The following AGBL1 variants were observed in gnomAD, a reference collection of about 807,000 sequenced individuals.
AGBL1 encodes AGBL carboxypeptidase 1, also known as cytosolic carboxypeptidase 4.
In AGBL1, 130 loss-of-function variants were observed where a neutral mutation model predicts 118.9. That is an observed-to-expected ratio of 1.09 (90% CI 0.95 to 1.26). The LOEUF (loss-of-function observed/expected upper bound fraction) is 1.26, where lower values mean the gene tolerates loss of function less well. Ranked by LOEUF, AGBL1 falls within the 50% of genes most tolerant of loss-of-function variation. AGBL1 has a pLI of 0.00. For synonymous variants in AGBL1, 555 were observed against 478.9 expected, an observed-to-expected ratio of 1.16 and a Z score of -2.08; for missense variants, 1,584 against 1,298.1, an observed-to-expected ratio of 1.22 and a Z score of -3.38.
chr15:86,556,297 G>C, intron 21 of AGBL1: 1 of 1,607,288 alleles, frequency 6.2e-7, no homozygotes. Context: ...TATTGGAGCA[G>C]CATTTATCTT....
intron 18 of AGBL1, among the ~76,000 whole-genome samples, chr15:86,411,767 T>C (rs1476029998): frequency 6.6e-6 from 1 of 152,070 alleles, no homozygotes; most frequent in Non-Finnish European, 1.5e-5. Context: ...CTCTGCATAA[T>C]AACAAGGAAA....
chr15:86,119,380 C>G (rs750880852), intron 1 of AGBL1, among the ~76,000 whole-genome samples: 6 of 151,698 alleles, frequency 4.0e-5, no homozygotes, highest in Non-Finnish European at 7.4e-5. Flanking sequence ...TTCCTTCTTG[C>G]TACTGATGGG....
At chr15:86,752,545 T>C (rs1050810428) in intron 22 of AGBL1, among the ~76,000 whole-genome samples, 2 of 152,102 alleles carry the variant, frequency 1.3e-5, no homozygotes, top group African/African-American at 4.8e-5. Context: ...CCCAGATCCA[T>C]GCTTTAGGGA....
At chr15:86,757,854 C>G (rs970905033) in intron 22 of AGBL1, among the ~76,000 whole-genome samples, 1 of 152,042 alleles carries the variant, frequency 6.6e-6, no homozygotes, top group African/African-American at 2.4e-5. Context: ...CATAGTAGAA[C>G]AAGAAAACCC....
chr15:86,573,897 C>T (rs1314437838), intron 21 of AGBL1, among the ~76,000 whole-genome samples: 2 of 152,150 alleles, frequency 1.3e-5, no homozygotes, highest in Non-Finnish European at 2.9e-5. Context: ...TGGCTATCTA[C>T]CCCCAAGTAT....
chr15:86,685,126 A>G (rs1433612072), intron 22 of AGBL1, among the ~76,000 whole-genome samples: 3 of 152,304 alleles, frequency 2.0e-5, no homozygotes, highest in East Asian at 1.9e-4. Context: ...AGAATCCGAT[A>G]CAAGACGACC....
At chr15:86,929,257 C>G (rs2080579230) in intron 23 of AGBL1, among the ~76,000 whole-genome samples, 1 of 152,194 alleles carries the variant, frequency 6.6e-6, no homozygotes, top group African/African-American at 2.4e-5. Flanking sequence ...GACATCTGGT[C>G]TGGCTTTTTT....
chr15:86,540,303 G>C (rs1008736772), intron 19 of AGBL1, among the ~76,000 whole-genome samples: 1 of 152,084 alleles, frequency 6.6e-6, no homozygotes, highest in Non-Finnish European at 1.5e-5. Flanking sequence ...AACAAGATAG[G>C]GCTATTGAGG....
intron 18 of AGBL1, among the ~76,000 whole-genome samples, chr15:86,460,789 T>G (rs1161484909): frequency 6.6e-6 from 1 of 152,202 alleles, no homozygotes; most frequent in Non-Finnish European, 1.5e-5. Flanking sequence ...TTAGTGCTGG[T>G]TCTGTGCCAT....
chr15:86,676,758 G>A (rs1248649348), intron 22 of AGBL1, among the ~76,000 whole-genome samples: 1 of 152,138 alleles, frequency 6.6e-6, no homozygotes, highest in Admixed American at 6.5e-5. Flanking sequence ...GGAAGGAATT[G>A]TGAATAACAT....
At chr15:86,189,891 G>T (rs766280273) in intron 5 of AGBL1, among the ~76,000 whole-genome samples, 5 of 152,170 alleles carry the variant, frequency 3.3e-5, no homozygotes, top group Admixed American at 1.3e-4. Context: ...TTACCATGCT[G>T]GACTGACACC....
intron 1 of AGBL1, among the ~76,000 whole-genome samples, chr15:86,089,387 A>G (rs1895875964): frequency 6.6e-6 from 1 of 152,164 alleles, no homozygotes. Context: ...TCCTTACTTG[A>G]TTGGGATAAA....
At chr15:86,254,862 A>G (rs1189412539) in intron 7 of AGBL1, among the ~76,000 whole-genome samples, 1 of 152,214 alleles carries the variant, frequency 6.6e-6, no homozygotes, top group East Asian at 1.9e-4. Flanking sequence ...CCTTGAAACC[A>G]ATGATCTTTG....
intron 5 of AGBL1, among the ~76,000 whole-genome samples, chr15:86,181,353 A>T (rs917712812): frequency 2.6e-5 from 4 of 152,128 alleles, no homozygotes; most frequent in Non-Finnish European, 5.9e-5. Context: ...AATTATTGAT[A>T]TATGCTGCAA....
At chr15:87,018,498 G>A (rs1445944178) in intron 24 of AGBL1, among the ~76,000 whole-genome samples, 1 of 152,062 alleles carries the variant, frequency 6.6e-6, no homozygotes, top group Non-Finnish European at 1.5e-5. Context: ...AGAAATTTAT[G>A]TCTGGCCAAA....
chr15:86,375,429 A>AC (rs148784536), intron 17 of AGBL1, among the ~76,000 whole-genome samples: 6,714 of 151,028 alleles, frequency 0.044, 295 homozygotes, highest in East Asian at 0.21. Context: ...TGATCCAGTC[A>AC]CCCCCCCACC....
intron 1 of AGBL1, among the ~76,000 whole-genome samples, chr15:86,138,889 T>C (rs1244679494): frequency 6.6e-6 from 1 of 152,160 alleles, no homozygotes; most frequent in Non-Finnish European, 1.5e-5. Flanking sequence ...GGAAACTAAT[T>C]CCAGAGACTT....
chr15:86,279,457 CAGTA>C (rs1464351368), intron 15 of AGBL1, among the ~76,000 whole-genome samples, 178 bp from the exon 16 acceptor site: 2 of 152,172 alleles, frequency 1.3e-5, no homozygotes, highest in Non-Finnish European at 2.9e-5. Flanking sequence ...CATGAACTGG[CAGTA>C]AGTTTACTTG....
chr15:86,092,838 C>T (rs77251394), intron 1 of AGBL1, among the ~76,000 whole-genome samples: 4 of 151,990 alleles, frequency 2.6e-5, no homozygotes, highest in Admixed American at 6.6e-5. Flanking sequence ...AACTCACTCC[C>T]GAGATAATAA....
Sources: gnomAD v4.1 joint callset for allele counts (sites outside exome capture counted in the v4.1 genomes callset) on GRCh38, gnomAD v4.1.1 for gene constraint, MANE v1.5 for transcripts, NCBI Gene and HGNC (gene_info 2026-07-23, HGNC 2026-07-21) for gene names.